SYDE2: variants seen among roughly 807,000 people sequenced by gnomAD.
SYDE2 encodes rho GTPase-activating protein SYDE2.
A neutral mutation model predicts 91.5 loss-of-function variants in SYDE2; 76 were observed. The ratio of observed to expected loss-of-function variants is 0.83; its 90% CI spans 0.69 to 1.01. SYDE2 has a LOEUF of 1.01. Ranked by LOEUF, SYDE2 falls within the 50% of genes least tolerant of loss-of-function variation. The pLI is 0.00. For synonymous variants in SYDE2, 513 were observed against 506.4 expected (o/e 1.01, Z -0.18); for missense variants, 1,364 against 1,367.7 (o/e 1.00, Z 0.04).
chr1:85,171,326 A>C (rs920913963), intron 4 of SYDE2, among the ~76,000 whole-genome samples: 3 of 152,206 alleles, frequency 2.0e-5, no homozygotes, highest in Admixed American at 6.5e-5. Context: ...TCCAGGGGTC[A>C]TCAGGGAAGA....
intron 2 of SYDE2, among the ~76,000 whole-genome samples, chr1:85,188,666 T>C (rs914536764): frequency 3.3e-5 from 5 of 152,148 alleles, no homozygotes; most frequent in African/African-American, 1.2e-4. Context: ...GGAAACAACA[T>C]AGAATATAAA....
downstream of SYDE2, among the ~76,000 whole-genome samples, chr1:85,155,352 AAG>A (rs373688123): frequency 5.3e-4 from 81 of 152,322 alleles, no homozygotes; most frequent in African/African-American, 1.8e-3. Flanking sequence ...CGAGAAATAA[AAG>A]CAGGCTGGAA....
intron 4 of SYDE2, among the ~76,000 whole-genome samples, chr1:85,171,938 A>G (rs1216488826): frequency 6.6e-6 from 1 of 152,176 alleles, no homozygotes; most frequent in Non-Finnish European, 1.5e-5. Flanking sequence ...GGGAGAAACA[A>G]GATCAAAGTG....
downstream of SYDE2, among the ~76,000 whole-genome samples, chr1:85,155,776 T>C (rs1339467172): frequency 6.6e-6 from 1 of 152,174 alleles, no homozygotes; most frequent in Non-Finnish European, 1.5e-5. Context: ...AGAATAAATA[T>C]ACAGTATACA....
chr1:85,170,615 G>A (rs1657467272), intron 4 of SYDE2, among the ~76,000 whole-genome samples: 1 of 152,164 alleles, frequency 6.6e-6, no homozygotes, highest in South Asian at 2.1e-4. Flanking sequence ...GATTAGGCAT[G>A]CTAAACTGGT....
chr1:85,196,919 G>A (rs1310075702), intron 1 of SYDE2, among the ~76,000 whole-genome samples: 4 of 152,226 alleles, frequency 2.6e-5, no homozygotes, highest in African/African-American at 9.6e-5. Context: ...AAAAATTTTA[G>A]ACAAAATACT....
Position 85,183,208 on chromosome 1 carries a change from G to A in SYDE2, c.1442-8C>T, listed in dbSNP as rs1360778736. The A allele has an allele frequency of 2.6e-6, 4 of 1,525,060 alleles. No homozygotes were observed. The highest frequency in any genetic ancestry group is 2.4e-5 in the Admixed American group (1 of 42,158). 94.5% of individuals were successfully genotyped at this position (1,525,060 alleles called of 1,614,324 possible). A position where few individuals can be genotyped will look rare whatever the true frequency, so the allele number is the denominator to read the frequency against. ...CAGCCAGGATCCCAGAACCTTAAAA[G>A]AAAGAAAGAAAAATACGTTATAAAG... On this transcript the variant is annotated splice_polypyrimidine_tract_variant and splice_region_variant and intron_variant, in intron 2 of 6. Coordinates refer to ENST00000341460, the MANE Select transcript of SYDE2 (RefSeq NM_032184.2).
Position 85,182,500 on chromosome 1 carries a change from T to C in SYDE2, c.2142A>G (p.Ala714=). 1 of 1,613,914 alleles carries C rather than the reference T, an allele frequency of 6.2e-7. No individual in the cohort carries two copies. The highest frequency in any genetic ancestry group is 8.5e-7 in the Non-Finnish European group (1 of 1,179,846). The stretch of plus-strand genomic sequence containing the variant: ...TTCGGCATGTGAGCAAAGCTGTTCT[T>C]GCTTTGTTTACTGAATCTACCTGAA... ...CAIQVDSVNK[A]RTALLTCRTT... The change falls in exon 3 of 7, where the codon GCA becomes GCG. Residue 714 remains alanine, a synonymous_variant. Coordinates refer to ENST00000341460, the MANE Select transcript of SYDE2 (RefSeq NM_032184.2).
intron 1 of SYDE2, chr1:85,194,889 G>T (rs1010859646): frequency 4.1e-6 from 4 of 964,768 alleles, no homozygotes; most frequent in Non-Finnish European, 4.9e-6. Flanking sequence ...GGCTGGGCGC[G>T]GTGGCTCACG....
intron 2 of SYDE2, among the ~76,000 whole-genome samples, chr1:85,184,912 G>C (rs1424039641): frequency 1.3e-5 from 2 of 151,134 alleles, no homozygotes; most frequent in East Asian, 3.9e-4. Context: ...TATGTATCTG[G>C]GAGTTAATGA....
intron 2 of SYDE2, among the ~76,000 whole-genome samples, chr1:85,186,962 C>T (rs1658165457): frequency 6.6e-6 from 1 of 152,154 alleles, no homozygotes; most frequent in African/African-American, 2.4e-5. Flanking sequence ...TGGGCAAGGA[C>T]TTCATGTCTA....
intron 4 of SYDE2, among the ~76,000 whole-genome samples, chr1:85,177,820 C>T (rs995575375): frequency 6.6e-6 from 1 of 152,104 alleles, no homozygotes; most frequent in Admixed American, 6.5e-5. Context: ...ATAGTCAATA[C>T]GCTCTATATC....
intron 4 of SYDE2, 91 bp from the exon 5 acceptor site, chr1:85,169,316 C>A: frequency 1.1e-6 from 1 of 913,960 alleles, no homozygotes; most frequent in African/African-American, 1.7e-5. Context: ...AGTATTATAG[C>A]CAACTTTCAA....
intron 1 of SYDE2, among the ~76,000 whole-genome samples, chr1:85,198,019 G>C (rs1452704761): frequency 2.0e-5 from 3 of 152,146 alleles, no homozygotes; most frequent in Non-Finnish European, 4.4e-5. Flanking sequence ...TTGCAACTTT[G>C]AGGAAGTTAC....
At chr1:85,159,851 C>T in intron 6 of SYDE2, 1 of 982,720 alleles carries the variant, frequency 1.0e-6, no homozygotes, top group Non-Finnish European at 1.2e-6. Context: ...GCATTATCTA[C>T]TATCTTCATT....
intron 1 of SYDE2, among the ~76,000 whole-genome samples, chr1:85,199,701 A>G (rs1371701683): frequency 6.6e-6 from 1 of 151,828 alleles, no homozygotes; most frequent in East Asian, 1.9e-4. Flanking sequence ...TACTTATGGT[A>G]GGGTTTTTTT....
intron 1 of SYDE2, among the ~76,000 whole-genome samples, chr1:85,198,880 T>G (rs1658701742): frequency 6.6e-6 from 1 of 152,200 alleles, no homozygotes; most frequent in Non-Finnish European, 1.5e-5. Flanking sequence ...AAATGCATGT[T>G]TAATATGAAC....
chr1:85,180,689 CAA>C (rs142525630), intron 3 of SYDE2, among the ~76,000 whole-genome samples: 7 of 117,344 alleles, frequency 6.0e-5, no homozygotes, highest in Non-Finnish European at 7.4e-5. Context: ...GAATCCGTCT[CAA>C]AAAAAAAAAA....
At chr1:85,155,009 C>CAAAAAAAAAAAAAAAAAAAAAAAAA, downstream of SYDE2, among the ~76,000 whole-genome samples, 4 of 80,650 alleles carry the variant, frequency 5.0e-5, no homozygotes, top group East Asian at 3.2e-4. Flanking sequence ...AAGAATGCAG[C>CAAAAAAAAAAAAAAAAAAAAAAAAA]AAAAAAAAAA....
Sources: gnomAD v4.1 joint callset for allele counts (sites outside exome capture counted in the v4.1 genomes callset) on GRCh38, gnomAD v4.1.1 for gene constraint, MANE v1.5 for transcripts, NCBI Gene and HGNC (gene_info 2026-07-23, HGNC 2026-07-21) for gene names.